The following DOCK3 variants were observed in gnomAD, a reference collection of about 807,000 sequenced individuals.
The protein encoded by DOCK3 is dedicator of cytokinesis 3, also known as dedicator of cytokinesis protein 3.
A neutral mutation model predicts 265.6 loss-of-function variants in DOCK3; 60 were observed. The observed-to-expected ratio is 0.23, with a 90% CI of 0.18 to 0.28. DOCK3 has a LOEUF of 0.28. Ranked by LOEUF, DOCK3 falls within the 10% of genes least tolerant of loss-of-function variation. DOCK3 has a pLI of 1.00. For missense variants in DOCK3, 1,981 were observed against 2,594.3 expected (o/e 0.76, Z 5.14); for synonymous variants, 881 against 938.0 (o/e 0.94, Z 1.11).
At chr3:51,326,124 G>A (rs1266937415) in intron 32 of DOCK3, among the ~76,000 whole-genome samples, 2 of 150,558 alleles carry the variant, frequency 1.3e-5, no homozygotes, top group Admixed American at 6.6e-5. Context: ...TCCCTTTTTT[G>A]GTAGCAACTT....
Position 51,330,206 on chromosome 3 carries a change from G to T in DOCK3, c.3471G>T (p.Arg1157Ser), listed in dbSNP as rs1372022290. 1.9e-6 allele frequency: 3 copies of T among 1,600,490 alleles called. No individual in the cohort carries two copies. In the South Asian group the frequency reaches 3.4e-5, roughly 18 times the overall value. Residue 1157 changes from arginine (R) to serine (S), a missense_variant, in exon 33 of 53, where the codon AGG becomes AGT. Around this residue, in one of 4 missense-constraint regions of DOCK3, gnomAD observed 1,357 missense variants for 1,866.8 expected, o/e 0.73. Transcript: ENST00000266037. Reference sequence around the variant, plus strand: ...AAGGGAAAGGTGACGAGAGCTACAGGGAGCTCTTCAGCCTACTGTAAGCTG... The same window carrying T: ...AAGGGAAAGGTGACGAGAGCTACAGTGAGCTCTTCAGCCTACTGTAAGCTG... The part of the protein sequence containing the change: ...VSEGKGDESY[R>S]ELFSLLTQLF...
At chr3:50,851,196 G>A (rs1041019882) in intron 3 of DOCK3, among the ~76,000 whole-genome samples, 2 of 152,216 alleles carry the variant, frequency 1.3e-5, no homozygotes, top group African/African-American at 4.8e-5. Flanking sequence ...CCAGGAGATT[G>A]AGTACTCTAA....
intron 2 of DOCK3, among the ~76,000 whole-genome samples, chr3:50,822,409 G>C (rs1293565345): frequency 6.6e-6 from 1 of 152,142 alleles, no homozygotes; most frequent in Admixed American, 6.5e-5. Context: ...CCTTTTGACA[G>C]AGTCTAGGAT....
intron 14 of DOCK3, among the ~76,000 whole-genome samples, chr3:51,217,491 A>G (rs1214201713): frequency 6.6e-6 from 1 of 152,234 alleles, no homozygotes; most frequent in Non-Finnish European, 1.5e-5. Context: ...TTATAGAAGA[A>G]CAAATAGATA....
At chr3:51,247,042 C>A (rs1468646688) in intron 22 of DOCK3, among the ~76,000 whole-genome samples, 2 of 152,202 alleles carry the variant, frequency 1.3e-5, no homozygotes, top group East Asian at 3.8e-4. Context: ...TGGCTCCTGG[C>A]TATCCTCCCC....
At chr3:50,727,446 C>G (rs1323652630) in intron 1 of DOCK3, among the ~76,000 whole-genome samples, 1 of 152,124 alleles carries the variant, frequency 6.6e-6, no homozygotes, top group African/African-American at 2.4e-5. Context: ...GCCTGTAATT[C>G]CAGCACTTTG....
At chr3:50,917,317 T>G (rs2050181734) in intron 4 of DOCK3, among the ~76,000 whole-genome samples, 1 of 152,054 alleles carries the variant, frequency 6.6e-6, no homozygotes, top group African/African-American at 2.4e-5. Flanking sequence ...CTTTAGATAA[T>G]GGGTTGGGTA....
Position 51,381,318 on chromosome 3 carries a change from A to G in DOCK3, c.5852A>G (p.Gln1951Arg). ...ESAVLDSIKA[Q>R]PCRSHSAPGC... is the part of the protein sequence containing the mutation. ...GCCGTCCTGGACTCCATCAAGGCCC[A>G]GCCATGCCGAAGCCACTCAGCCCCA... The change falls in exon 53 of 53, where the codon CAG becomes CGG. Residue 1951 changes from glutamine (Q) to arginine (R), a missense_variant. By Grantham distance (43) the Gln-to-Arg change is conservative (BLOSUM62 1). This residue lies in a region of DOCK3 where 149 missense variants were observed against 144.7 expected (regional missense o/e 1.03). Transcript: ENST00000266037. The surrounding 1 kb of genome is among the most constrained non-coding windows in gnomAD (Gnocchi z 5.6). 1 of 1,613,618 alleles carries G rather than the reference A, an allele frequency of 6.2e-7. No individual in the cohort carries two copies. The highest frequency in any genetic ancestry group is 8.5e-7 in the Non-Finnish European group (1 of 1,179,880).
At chr3:51,088,738 T>G (rs2082524750) in intron 7 of DOCK3, among the ~76,000 whole-genome samples, 1 of 152,230 alleles carries the variant, frequency 6.6e-6, no homozygotes, top group South Asian at 2.1e-4. Context: ...TTAAGTGATT[T>G]GTCTGAAATT....
chr3:51,276,506 G>T (rs2080826866), intron 25 of DOCK3: 2 of 852,342 alleles, frequency 2.3e-6, no homozygotes, highest in Admixed American at 6.2e-5. Flanking sequence ...GTAATTAGTT[G>T]CTTATAACTA....
At chr3:50,767,052 C>T (rs923233950) in intron 1 of DOCK3, among the ~76,000 whole-genome samples, 4 of 152,096 alleles carry the variant, frequency 2.6e-5, no homozygotes, top group Admixed American at 2.0e-4. Context: ...CGAAAATATT[C>T]TCCCATTCTG....
intron 5 of DOCK3, among the ~76,000 whole-genome samples, chr3:51,048,995 G>A (rs1271075575): frequency 6.6e-6 from 1 of 152,136 alleles, no homozygotes; most frequent in African/African-American, 2.4e-5. Flanking sequence ...ACAGTAGCAG[G>A]CTTTCGGTCT....
At chr3:51,237,627 T>G in intron 21 of DOCK3, 37 bp downstream of exon 21, 1 of 1,569,622 alleles carries the variant, frequency 6.4e-7, no homozygotes, top group Non-Finnish European at 8.7e-7. Context: ...GGACTCGTGT[T>G]TGAGTAGAAA....
chr3:51,251,046 T>C (rs1273666875), intron 22 of DOCK3, among the ~76,000 whole-genome samples: 2 of 152,062 alleles, frequency 1.3e-5, no homozygotes, highest in African/African-American at 4.8e-5. Flanking sequence ...CAGGCTCCAG[T>C]GTGTGATGTT....
intron 1 of DOCK3, among the ~76,000 whole-genome samples, chr3:50,756,332 G>A (rs1259098993): frequency 1.3e-5 from 2 of 152,090 alleles, no homozygotes; most frequent in Non-Finnish European, 2.9e-5. Context: ...ATCTTATTGG[G>A]AAGCTGCTGA....
intron 4 of DOCK3, among the ~76,000 whole-genome samples, chr3:50,906,982 C>T (rs1326807128): frequency 6.6e-6 from 1 of 152,020 alleles, no homozygotes; most frequent in Non-Finnish European, 1.5e-5. Context: ...TTTCAAAGAA[C>T]ATCTTTATTT....
chr3:51,143,183 G>A (rs1376846102), intron 9 of DOCK3, among the ~76,000 whole-genome samples: 1 of 149,852 alleles, frequency 6.7e-6, no homozygotes, highest in Non-Finnish European at 1.5e-5. Flanking sequence ...CACCGTGCCC[G>A]GCTGGTATAT....
chr3:51,362,710 A>G, intron 49 of DOCK3, 36 bp downstream of exon 49: 1 of 1,606,230 alleles, frequency 6.2e-7, no homozygotes, highest in Non-Finnish European at 8.5e-7. Flanking sequence ...AGAATGGAGA[A>G]GAGAGGTCTT....
chr3:51,001,963 G>A (rs2078498677), intron 5 of DOCK3, among the ~76,000 whole-genome samples: 1 of 152,036 alleles, frequency 6.6e-6, no homozygotes, highest in South Asian at 2.1e-4. Flanking sequence ...ACCCAGGCCG[G>A]AATGCAGTGG....
Sources: gnomAD v4.1 joint callset for allele counts (sites outside exome capture counted in the v4.1 genomes callset) on GRCh38, gnomAD v4.1.1 for gene constraint, gnomAD v4.1.1 regional missense constraint, Gnocchi (gnomAD v3.1) non-coding constraint, MANE v1.5 for transcripts, NCBI Gene and HGNC (gene_info 2026-07-23, HGNC 2026-07-21) for gene names.